Variants in TACC2 observed in about 807,000 individuals in gnomAD.
The protein encoded by TACC2 is transforming acidic coiled-coil-containing protein 2.
TACC2 carries 137 observed loss-of-function variants against 227.3 expected under a neutral mutation model. The observed-to-expected ratio is 0.60, with a 90% CI of 0.52 to 0.69. The LOEUF is 0.69. Ranked by LOEUF, TACC2 falls within the 30% of genes least tolerant of loss-of-function variation. The pLI, the probability that TACC2 is intolerant of heterozygous loss-of-function variation, is 0.00. For synonymous variants in TACC2, 1,523 were observed against 1,487.5 expected (o/e 1.02, Z -0.55); for missense variants, 3,470 against 3,694.4 (o/e 0.94, Z 1.57).
chr10:122,192,278 G>A (rs748907439), intron 7 of TACC2, among the ~76,000 whole-genome samples: 2 of 152,196 alleles, frequency 1.3e-5, no homozygotes, highest in Non-Finnish European at 2.9e-5. Context: ...CACACAGGGC[G>A]ATCGTGAACG....
intron 7 of TACC2, among the ~76,000 whole-genome samples, chr10:122,144,993 T>TG (rs570073251): frequency 1.0e-3 from 157 of 152,318 alleles, no homozygotes; most frequent in Non-Finnish European, 1.6e-3. Context: ...AAGCAGAGGT[T>TG]GGGGAGCAGG....
intron 7 of TACC2, among the ~76,000 whole-genome samples, chr10:122,186,175 C>T (rs943684056): frequency 7.7e-4 from 118 of 152,260 alleles, no homozygotes; most frequent in African/African-American, 2.5e-3. Context: ...GTGATCCACC[C>T]GCCTTGGCCT....
intron 1 of TACC2, among the ~76,000 whole-genome samples, chr10:122,015,908 A>G (rs1039324626): frequency 6.6e-6 from 1 of 151,506 alleles, no homozygotes; most frequent in Non-Finnish European, 1.5e-5. Context: ...CTGTGCCCTC[A>G]GTGTTTAAAT....
chr10:122,145,968 C>T (rs1418290293), intron 7 of TACC2, among the ~76,000 whole-genome samples: 1 of 152,220 alleles, frequency 6.6e-6, no homozygotes, highest in Non-Finnish European at 1.5e-5. Context: ...CTTGGGATTA[C>T]TCTGGGCCAA....
chr10:122,227,799 T>G (rs2095657951), intron 13 of TACC2, 38 bp from the exon 14 acceptor site: 3 of 1,581,936 alleles, frequency 1.9e-6, no homozygotes, highest in Admixed American at 3.5e-5. Flanking sequence ...GGTTTCCCAA[T>G]GAGAAGACTA....
intron 2 of TACC2, chr10:122,033,133 C>T: frequency 1.3e-5 from 17 of 1,289,410 alleles, no homozygotes; most frequent in Non-Finnish European, 1.5e-5. Flanking sequence ...TCTGTGGCCT[C>T]CAAACCCTGA....
chr10:122,121,414 CA>C (rs550368995), intron 5 of TACC2, among the ~76,000 whole-genome samples: 274 of 152,248 alleles, frequency 1.8e-3, no homozygotes, highest in African/African-American at 6.3e-3. Context: ...GGATCTTTTT[CA>C]AGGTTGTACA....
chr10:122,120,110 G>A (rs2085446683), intron 5 of TACC2, among the ~76,000 whole-genome samples: 2 of 152,088 alleles, frequency 1.3e-5, no homozygotes, highest in Non-Finnish European at 2.9e-5. Flanking sequence ...TGTATGAGGA[G>A]AAGGTTCCCC....
rs775285828 is a variant in TACC2 at position 122,087,541 on chromosome 10, C to G, written c.5041C>G (p.Pro1681Ala). ...AAATGCCCTGGGCAACCAGAGCACC[C>G]CTGCACCACCAACTGGAGAAGTGGC... ...MRNALGNQSTPAPPTGEVADT... is the reference protein window; with the variant it reads ...MRNALGNQSTAAPPTGEVADT... Residue 1681 changes from proline to alanine, a missense_variant, in exon 4 of 23, where the codon CCT (proline) becomes GCT (alanine). By Grantham distance (27) the Pro-to-Ala change is conservative. Transcript: ENST00000369005. 1.9e-6 allele frequency: 3 copies of G among 1,613,748 alleles called. No individual in the cohort carries two copies. The highest frequency in any genetic ancestry group is 2.5e-6 in the Non-Finnish European group (3 of 1,180,042).
intron 6 of TACC2, among the ~76,000 whole-genome samples, chr10:122,134,697 A>G (rs2089196713): frequency 1.3e-5 from 2 of 152,110 alleles, no homozygotes; most frequent in African/African-American, 2.4e-5. Flanking sequence ...GCTGTAGCCA[A>G]TGGGGCACGC....
At position 122,144,347 on chromosome 10, in the gene TACC2, C is replaced by T. The variant is rs1355575964; in HGVS notation, c.5834+641C>T. On this transcript the variant is annotated intron_variant, in intron 7 of 22. Coordinates refer to ENST00000369005, the MANE Select transcript of TACC2 (RefSeq NM_206862.4). ...CAAATATCTGGGTTCAATGGGCCAG[C>T]CAAGTTGACACATAAAGTTAATGAT... Among the ~76,000 whole-genome samples the T allele has an allele frequency of 2.0e-5, 3 of 152,286 alleles. No homozygotes were observed. In the South Asian group the frequency reaches 6.2e-4, roughly 32 times the overall value.
At chr10:122,038,445 A>G (rs1411960621) in intron 2 of TACC2, among the ~76,000 whole-genome samples, 1 of 152,184 alleles carries the variant, frequency 6.6e-6, no homozygotes, top group East Asian at 1.9e-4. Context: ...CTTTGCATGC[A>G]CAGCAGGTGG....
At chr10:122,015,594 G>C (rs975111646) in intron 1 of TACC2, among the ~76,000 whole-genome samples, 1 of 152,086 alleles carries the variant, frequency 6.6e-6, no homozygotes, top group African/African-American at 2.4e-5. Context: ...TTTCATGCCT[G>C]TAATCCTAGC....
At chr10:122,159,376 A>C (rs1397788196) in intron 7 of TACC2, among the ~76,000 whole-genome samples, 3 of 152,284 alleles carry the variant, frequency 2.0e-5, no homozygotes, top group Non-Finnish European at 4.4e-5. Flanking sequence ...GCACCGCACC[A>C]TTCTCGCCTG....
chr10:122,160,154 C>T (rs913670736), intron 7 of TACC2, among the ~76,000 whole-genome samples: 4 of 152,314 alleles, frequency 2.6e-5, no homozygotes, highest in African/African-American at 7.2e-5. Context: ...CATTAATAAA[C>T]GTTGAACTGC....
intron 5 of TACC2, among the ~76,000 whole-genome samples, chr10:122,092,583 T>C (rs1387304046): frequency 6.6e-6 from 1 of 152,220 alleles, no homozygotes; most frequent in Non-Finnish European, 1.5e-5. Context: ...CATACACATG[T>C]ACATGAAGGT....
In TACC2 at chr10:122,083,072, C is replaced by T. The variant is rs769108695; in HGVS notation, c.572C>T (p.Ser191Phe). The change falls in exon 4 of 23, where the codon TCC becomes TTC. Residue 191 changes from serine (S) to phenylalanine (F), a missense_variant. Transcript: ENST00000369005. ...GGACAGAAGTCCTCCTTCTCCTTCTCCAGTGGCATCGACCAGTCACCTGGA... is the reference window on the plus strand; with the variant it reads ...GGACAGAAGTCCTCCTTCTCCTTCTTCAGTGGCATCGACCAGTCACCTGGA... ...EEGQKSSFSF[S>F]SGIDQSPGMS... 1.2e-6 allele frequency: 2 copies of T among 1,612,806 alleles called. No homozygotes were observed. The highest frequency in any genetic ancestry group is 8.5e-7 in the Non-Finnish European group (1 of 1,180,006).
intron 1 of TACC2, among the ~76,000 whole-genome samples, chr10:121,990,502 C>A (rs1952984261): frequency 6.6e-6 from 1 of 151,526 alleles, no homozygotes; most frequent in African/African-American, 2.4e-5. Context: ...CCAGGCAGGG[C>A]AAAGGGTAGA....
intron 3 of TACC2, among the ~76,000 whole-genome samples, chr10:122,067,465 G>A (rs952933132): frequency 6.7e-6 from 1 of 149,064 alleles, no homozygotes; most frequent in Non-Finnish European, 1.5e-5. Flanking sequence ...AAGCAGTTTG[G>A]TTACGATATG....
Sources: gnomAD v4.1 joint callset for allele counts (sites outside exome capture counted in the v4.1 genomes callset) on GRCh38, gnomAD v4.1.1 for gene constraint, MANE v1.5 for transcripts, NCBI Gene and HGNC (gene_info 2026-07-23, HGNC 2026-07-21) for gene names.